SKI: variants seen among roughly 807,000 people sequenced by gnomAD.
The protein encoded by SKI is ski oncogene.
Under a neutral mutation model 59.3 loss-of-function variants are expected in SKI, and 23 were observed. The observed-to-expected ratio is 0.39, with a 90% CI of 0.28 to 0.55. SKI has a LOEUF of 0.55. Ranked by LOEUF, SKI falls within the 20% of genes least tolerant of loss-of-function variation. The pLI, the probability that SKI is intolerant of heterozygous loss-of-function variation, is 0.67. For synonymous variants in SKI, 673 were observed against 488.6 expected, an observed-to-expected ratio of 1.38 and a Z score of -4.98; for missense variants, 1,017 against 1,038.9, an observed-to-expected ratio of 0.98 and a Z score of 0.29.
At chr1:2,239,217 T>C (rs1638813233) in intron 1 of SKI, among the ~76,000 whole-genome samples, 1 of 152,254 alleles carries the variant, frequency 6.6e-6, no homozygotes, top group African/African-American at 2.4e-5. Context: ...AGTTTTGTTG[T>C]AAATTTGCTA....
chr1:2,306,485 G>T, intron 6 of SKI, 92 bp from the exon 7 acceptor site: 1 of 1,334,350 alleles, frequency 7.5e-7, no homozygotes, highest in Non-Finnish European at 1.0e-6. Context: ...GGGAGGGACA[G>T]GGAGCGGCGC....
At chr1:2,289,544 G>GGGGTGGGA (rs1640116875) in intron 1 of SKI, among the ~76,000 whole-genome samples, 2 of 98,648 alleles carry the variant, frequency 2.0e-5, no homozygotes, top group Non-Finnish European at 4.8e-5. Context: ...GATCGGGGTG[G>GGGGTGGGA]GGGTGCAGGG....
intron 1 of SKI, among the ~76,000 whole-genome samples, chr1:2,241,782 T>C (rs919362890): frequency 1.3e-5 from 2 of 152,160 alleles, no homozygotes; most frequent in Admixed American, 6.5e-5. Context: ...TATGGAATCA[T>C]AAAAAACGCT....
intron 1 of SKI, among the ~76,000 whole-genome samples, chr1:2,253,499 C>T (rs895807983): frequency 1.1e-4 from 17 of 152,220 alleles, no homozygotes; most frequent in African/African-American, 3.6e-4. Context: ...TTGGAGGAAT[C>T]GGAAGGAACA....
chr1:2,251,556 C>T (rs1033076064), intron 1 of SKI, among the ~76,000 whole-genome samples: 7 of 152,108 alleles, frequency 4.6e-5, no homozygotes, highest in African/African-American at 1.2e-4. Flanking sequence ...GTGGGGCCAT[C>T]GAGGCTCATC....
intron 1 of SKI, among the ~76,000 whole-genome samples, chr1:2,280,107 G>A (rs2100870252): frequency 6.6e-6 from 1 of 152,212 alleles, no homozygotes; most frequent in East Asian, 1.9e-4. Flanking sequence ...GGTGGCTCAT[G>A]CCTGTAATCC....
At chr1:2,288,364 T>C (rs1441181129) in intron 1 of SKI, among the ~76,000 whole-genome samples, 1 of 152,228 alleles carries the variant, frequency 6.6e-6, no homozygotes, top group Non-Finnish European at 1.5e-5. Context: ...TCAGGTGATC[T>C]ACCTGACTTG....
chr1:2,270,140 C>T lies in SKI; in HGVS notation c.970-32838C>T, dbSNP rs577517106. 5.4e-4 allele frequency among the ~76,000 whole-genome samples: 82 copies of T among 152,256 alleles called. No homozygotes were observed. The highest frequency in any genetic ancestry group is 1.9e-3 in the African/African-American group (78 of 41,550). On this transcript the variant is annotated intron_variant, in intron 1 of 6. Transcript: ENST00000378536. The surrounding 1 kb of genome is among the most constrained non-coding windows in gnomAD (Gnocchi z 4.1). Reference sequence around the variant, plus strand: ...GTGCCCTGGTCATTGTCCCCTACAGCCAGGCAGTAAAGTGTGGCCAGCACC... The same window carrying T: ...GTGCCCTGGTCATTGTCCCCTACAGTCAGGCAGTAAAGTGTGGCCAGCACC...
chr1:2,295,779 C>G (rs1177699741), intron 1 of SKI, among the ~76,000 whole-genome samples: 1 of 152,178 alleles, frequency 6.6e-6, no homozygotes, highest in Non-Finnish European at 1.5e-5. Flanking sequence ...TTCAAGGCTC[C>G]TTCCTTCCTT....
At chr1:2,235,901 C>G (rs1361910094) in intron 1 of SKI, among the ~76,000 whole-genome samples, 1 of 152,180 alleles carries the variant, frequency 6.6e-6, no homozygotes, top group Non-Finnish European at 1.5e-5. Context: ...GCTTGAAGTG[C>G]TTATTCCTTT....
intron 1 of SKI, among the ~76,000 whole-genome samples, chr1:2,245,933 G>T (rs959716610): frequency 7.3e-5 from 11 of 151,274 alleles, no homozygotes; most frequent in Admixed American, 5.9e-4. Context: ...AGTAGCTGGG[G>T]CTATAGGTGT....
At chr1:2,233,883 G>A (rs936723165) in intron 1 of SKI, among the ~76,000 whole-genome samples, 1 of 152,204 alleles carries the variant, frequency 6.6e-6, no homozygotes, top group Admixed American at 6.5e-5. Flanking sequence ...ACTCAGCTCA[G>A]CGGCCGTGTG....
chr1:2,254,334 G>A (rs1385417423), intron 1 of SKI, among the ~76,000 whole-genome samples: 2 of 152,176 alleles, frequency 1.3e-5, no homozygotes, highest in South Asian at 2.1e-4. Flanking sequence ...CTCTCCCCCC[G>A]TGGGTCTTCG....
At chr1:2,266,678 C>T (rs951432544) in intron 1 of SKI, among the ~76,000 whole-genome samples, 7 of 152,124 alleles carry the variant, frequency 4.6e-5, no homozygotes, top group South Asian at 4.1e-4. Context: ...TGGCTGCAGG[C>T]GGGCCCTGGC....
At chr1:2,253,845 G>A (rs1639218484) in intron 1 of SKI, among the ~76,000 whole-genome samples, 1 of 152,202 alleles carries the variant, frequency 6.6e-6, no homozygotes, top group African/African-American at 2.4e-5. Flanking sequence ...GAGGGGAGGT[G>A]TGTGCGGGGG....
chr1:2,259,917 T>C (rs1569746718), intron 1 of SKI, among the ~76,000 whole-genome samples: 1 of 152,366 alleles, frequency 6.6e-6, no homozygotes, highest in East Asian at 1.9e-4. Context: ...CATTTGCCCG[T>C]TGGAGCGTGT....
At chr1:2,247,776 C>G (rs990568461) in intron 1 of SKI, among the ~76,000 whole-genome samples, 2 of 152,354 alleles carry the variant, frequency 1.3e-5, no homozygotes, top group African/African-American at 4.8e-5. Flanking sequence ...CCACAGGTGC[C>G]CTTGGGGAGC....
intron 1 of SKI, among the ~76,000 whole-genome samples, chr1:2,242,544 A>G (rs1638902184): frequency 6.6e-6 from 1 of 152,160 alleles, no homozygotes; most frequent in African/African-American, 2.4e-5. Flanking sequence ...TTTGGAGACA[A>G]GGTCTCGCTC....
At position 2,229,444 on chromosome 1, in the gene SKI, C is replaced by T. The variant is rs1484408842; in HGVS notation, c.678C>T (p.Gly226=). 1.2e-6 allele frequency: 2 copies of T among 1,612,126 alleles called. No individual in the cohort carries two copies. The highest frequency in any genetic ancestry group is 1.1e-5 in the South Asian group (1 of 91,038). Residue 226 remains glycine, a synonymous_variant, in exon 1 of 7, where the codon GGC becomes GGT. Coordinates refer to ENST00000378536, the MANE Select transcript of SKI (RefSeq NM_003036.4). This position sits in a 1 kb window ranked among gnomAD's most constrained non-coding sequence, Gnocchi z 6.3. ...TCCGCGTGTACCACGAGTGCTTCGG[C>T]AAGTGTAAGGGGCTGCTGGTGCCCG... ...RSVRVYHECF[G]KCKGLLVPEL...
Sources: allele counts gnomAD v4.1 joint callset (sites outside exome capture counted in the v4.1 genomes callset), GRCh38; gene constraint gnomAD v4.1.1; non-coding constraint Gnocchi (gnomAD v3.1); transcripts MANE v1.5; gene names NCBI Gene and HGNC (gene_info 2026-07-23, HGNC 2026-07-21).